Variants in CUX1 observed in about 807,000 individuals in gnomAD.
The protein encoded by CUX1 is cut like homeobox 1.
In CUX1, 31 loss-of-function variants were observed where a neutral mutation model predicts 158.8. That is an observed-to-expected ratio of 0.20 (90% CI 0.15 to 0.26). CUX1 has a LOEUF of 0.26. Ranked by LOEUF, CUX1 falls within the 10% of genes least tolerant of loss-of-function variation. The probability of loss-of-function intolerance (pLI) is 1.00; values close to 1 mark genes in which losing one functional copy is unlikely to be tolerated. For synonymous variants in CUX1, 879 were observed against 862.1 expected (o/e 1.02, Z -0.34); for missense variants, 1,589 against 2,014.6 (o/e 0.79, Z 4.04).
chr7:101,982,495 T>G (rs1280076582), intron 2 of CUX1, among the ~76,000 whole-genome samples: 1 of 152,116 alleles, frequency 6.6e-6, no homozygotes, highest in African/African-American at 2.4e-5. Flanking sequence ...GTTGTGATCT[T>G]GGCTTACTGC....
Position 102,252,895 on chromosome 7 carries a change from G to A in CUX1, c.*3853G>A. ...GATCTTAGGAGGCATCTTGGCATGA[G>A]GCAGCTTCTAAGCGTCTCCTGGGAC... On this transcript the variant is annotated 3_prime_UTR_variant, in exon 24 of 24. Coordinates refer to ENST00000292535, the MANE Select transcript of CUX1 (RefSeq NM_181552.4). 1 of 985,456 alleles carries A rather than the reference G, an allele frequency of 1.0e-6. No individual in the cohort carries two copies. The highest frequency in any genetic ancestry group is 1.2e-6 in the Non-Finnish European group (1 of 829,952). 61.0% of individuals were successfully genotyped at this position (985,456 alleles called of 1,614,324 possible).
chr7:102,091,956 G>T (rs201438), intron 4 of CUX1, among the ~76,000 whole-genome samples: 3 of 151,886 alleles, frequency 2.0e-5, no homozygotes, highest in Non-Finnish European at 2.9e-5. Flanking sequence ...GAGTTTCACC[G>T]TATTGGCCAG....
chr7:102,186,593 A>T (rs782259347), intron 11 of CUX1, among the ~76,000 whole-genome samples: 2,121 of 76,218 alleles, frequency 0.028, 40 homozygotes, highest in African/African-American at 0.075. Flanking sequence ...ATATATATAT[A>T]TATTTTTTTT....
At chr7:102,091,647 C>G (rs1554482273) in intron 4 of CUX1, among the ~76,000 whole-genome samples, 1 of 152,084 alleles carries the variant, frequency 6.6e-6, no homozygotes, top group Non-Finnish European at 1.5e-5. Flanking sequence ...GATCACTTAG[C>G]TTTTCTAAAG....
rs575992276 is a variant in CUX1 at position 101,834,165 on chromosome 7, C to CTTTTT, written c.30+16518_30+16522dup. 3.0e-4 allele frequency among the ~76,000 whole-genome samples: 21 copies of CTTTTT among 71,082 alleles called. 2 individuals carry two copies. The highest frequency in any genetic ancestry group is 4.7e-4 in the Non-Finnish European group (17 of 36,240). The allele number at this position is 71,082 out of a possible 152,430, so 46.6% of individuals were successfully genotyped here. Reference sequence around the variant, plus strand: ...TATTTATTTGAAAAGCTGATTGTTTCTTTTTTTTTTTTTTTTTTTTTTTTT... The same window carrying CTTTTT: ...TATTTATTTGAAAAGCTGATTGTTTCTTTTTTTTTTTTTTTTTTTTTTTTTTTTTT... On this transcript the variant is annotated intron_variant, in intron 1 of 23. Transcript: ENST00000292535.
intron 1 of CUX1, among the ~76,000 whole-genome samples, chr7:101,823,657 T>C (rs1792933056): frequency 6.6e-6 from 1 of 152,208 alleles, no homozygotes; most frequent in African/African-American, 2.4e-5. Flanking sequence ...TGTTTTCTTA[T>C]AGATACCTTT....
rs188769265 is a variant in CUX1, at chr7:102,257,435, C to T, written c.*8393C>T. On this transcript the variant is annotated 3_prime_UTR_variant, in exon 24 of 24. Coordinates refer to ENST00000292535, the MANE Select transcript of CUX1 (RefSeq NM_181552.4). The stretch of plus-strand genomic sequence containing the variant: ...GAGACCTCTTGGAAAAAAAAAATCC[C>T]GTGTATTCTGGAGATGTGAGAATTC... The T allele has an allele frequency of 8.5e-4, 836 of 985,162 alleles. 1 individual carries two copies. Among genetic ancestry groups the T allele is most frequent in the Non-Finnish European group, 9.0e-4 (745 of 829,888 alleles). The allele number at this position is 985,162 out of a possible 1,614,324, so 61.0% of individuals were successfully genotyped here.
intron 3 of CUX1, among the ~76,000 whole-genome samples, chr7:102,060,707 G>C (rs1403212446): frequency 6.7e-6 from 1 of 149,754 alleles, no homozygotes; most frequent in Non-Finnish European, 1.5e-5. Context: ...CCACCTTCTG[G>C]GTTCAAGCAA....
intron 3 of CUX1, among the ~76,000 whole-genome samples, chr7:102,068,757 T>C (rs1825819035): frequency 6.6e-6 from 1 of 152,196 alleles, no homozygotes; most frequent in South Asian, 2.1e-4. Flanking sequence ...AATATATAAT[T>C]TCCTGTCCTT....
intron 3 of CUX1, among the ~76,000 whole-genome samples, chr7:102,032,734 A>G (rs551777354): frequency 6.6e-6 from 1 of 152,328 alleles, no homozygotes; most frequent in African/African-American, 2.4e-5. Flanking sequence ...TATAATTATT[A>G]TAACAAAATC....
intron 20 of CUX1, 136 bp downstream of exon 20, chr7:102,205,306 T>A (rs1795837506): frequency 1.5e-6 from 1 of 671,462 alleles, no homozygotes; most frequent in Admixed American, 2.3e-5. Context: ...TGGCATCCTA[T>A]CTGCAAACGG....
chr7:102,071,812 C>A (rs1014558447), intron 4 of CUX1, among the ~76,000 whole-genome samples: 6 of 152,194 alleles, frequency 3.9e-5, no homozygotes, highest in African/African-American at 4.8e-5. Context: ...CCCTGGATGA[C>A]ATTCCTTTTC....
At chr7:102,057,603 A>G (rs1165064332) in intron 3 of CUX1, among the ~76,000 whole-genome samples, 2 of 152,140 alleles carry the variant, frequency 1.3e-5, no homozygotes, top group Admixed American at 6.6e-5. Flanking sequence ...GGAGGAAGGA[A>G]CTGCAGATGC....
chr7:102,073,677 T>TG (rs1470932442), intron 4 of CUX1, among the ~76,000 whole-genome samples: 1 of 152,242 alleles, frequency 6.6e-6, no homozygotes, highest in East Asian at 1.9e-4. Flanking sequence ...GAGCCAACCT[T>TG]GTCCATGTAC....
At chr7:102,073,620 C>A (rs774254327) in intron 4 of CUX1, among the ~76,000 whole-genome samples, 3 of 152,116 alleles carry the variant, frequency 2.0e-5, no homozygotes, top group Non-Finnish European at 4.4e-5. Context: ...GTGTTAATTT[C>A]CCATAGAAAA....
At chr7:102,277,148 A>T (rs1791663309) in intron 17 of CUX1, among the ~76,000 whole-genome samples, 1 of 152,104 alleles carries the variant, frequency 6.6e-6, no homozygotes, top group African/African-American at 2.4e-5. Context: ...AAAATAAAAA[A>T]GTAGCTGGGC....
intron 4 of CUX1, among the ~76,000 whole-genome samples, chr7:102,085,334 C>G (rs1018037700): frequency 1.3e-5 from 2 of 152,098 alleles, no homozygotes; most frequent in African/African-American, 4.8e-5. Context: ...TTATGAGGAA[C>G]GATATGGTTT....
intron 2 of CUX1, among the ~76,000 whole-genome samples, chr7:101,947,435 G>C (rs1248636368): frequency 1.3e-5 from 2 of 152,110 alleles, no homozygotes; most frequent in African/African-American, 4.8e-5. Flanking sequence ...TTCTAGGCCC[G>C]AGCCCGAGCT....
intron 3 of CUX1, among the ~76,000 whole-genome samples, chr7:102,032,312 A>G (rs1024233479): frequency 1.3e-5 from 2 of 152,160 alleles, no homozygotes; most frequent in Non-Finnish European, 2.9e-5. Flanking sequence ...GTGGAATCCC[A>G]GCAGTTTGGG....
Sources: gnomAD v4.1 joint callset for allele counts (sites outside exome capture counted in the v4.1 genomes callset) on GRCh38, gnomAD v4.1.1 for gene constraint, MANE v1.5 for transcripts, NCBI Gene and HGNC (gene_info 2026-07-23, HGNC 2026-07-21) for gene names.